SEZ6L: variants seen among roughly 807,000 people sequenced by gnomAD.
The protein encoded by SEZ6L is seizure 6-like protein.
In SEZ6L, 37 loss-of-function variants were observed where a neutral mutation model predicts 106.2. The observed-to-expected ratio is 0.35, with a 90% confidence interval of 0.27 to 0.46. The LOEUF (loss-of-function observed/expected upper bound fraction) is 0.46. Ranked by LOEUF, SEZ6L falls within the 20% of genes least tolerant of loss-of-function variation. The pLI, the probability that SEZ6L is intolerant of heterozygous loss-of-function variation, is 1.00. For synonymous variants in SEZ6L, 541 were observed against 570.4 expected (o/e 0.95, Z 0.73); for missense variants, 1,172 against 1,332.8 (o/e 0.88, Z 1.88).
intron 3 of SEZ6L, among the ~76,000 whole-genome samples, chr22:26,296,672 CAGTTTG>C (rs915248705): frequency 1.6e-4 from 24 of 152,364 alleles, no homozygotes; most frequent in Non-Finnish European, 2.2e-4. Flanking sequence ...CTCTGCCTTG[CAGTTTG>C]GTTTCACTCT....
intron 1 of SEZ6L, among the ~76,000 whole-genome samples, chr22:26,188,313 G>A (rs1361079530): frequency 6.6e-6 from 1 of 152,194 alleles, no homozygotes; most frequent in African/African-American, 2.4e-5. Flanking sequence ...ACATGATTCT[G>A]TGGTTTGACT....
At chr22:26,198,240 CATG>C (rs1470043364) in intron 1 of SEZ6L, among the ~76,000 whole-genome samples, 3 of 152,208 alleles carry the variant, frequency 2.0e-5, no homozygotes, top group African/African-American at 7.2e-5. Context: ...TAACAATTAT[CATG>C]ATGATGACAA....
chr22:26,344,976 A>T (rs1206602980), intron 10 of SEZ6L, among the ~76,000 whole-genome samples: 1 of 152,246 alleles, frequency 6.6e-6, no homozygotes, highest in African/African-American at 2.4e-5. Flanking sequence ...AGTAAAGTTA[A>T]CAAGGGCCCA....
intron 1 of SEZ6L, among the ~76,000 whole-genome samples, chr22:26,218,853 G>A (rs533078127): frequency 2.6e-5 from 4 of 152,146 alleles, no homozygotes; most frequent in East Asian, 3.9e-4. Context: ...AGGAGAAATC[G>A]CTTGAACCCA....
chr22:26,323,103 G>A (rs1229004515), intron 9 of SEZ6L, among the ~76,000 whole-genome samples: 1 of 152,178 alleles, frequency 6.6e-6, no homozygotes, highest in African/African-American at 2.4e-5. Context: ...CTTGCTTGTG[G>A]CCACAAGAGC....
At chr22:26,363,803 A>C (rs969143740) in intron 12 of SEZ6L, among the ~76,000 whole-genome samples, 2 of 152,228 alleles carry the variant, frequency 1.3e-5, no homozygotes, top group African/African-American at 4.8e-5. Context: ...AAAGTGTGAC[A>C]CCTGCCTACG....
chr22:26,252,034 G>GCAGCAGCAGCATCAGCGA, intron 1 of SEZ6L, among the ~76,000 whole-genome samples: 2 of 152,250 alleles, frequency 1.3e-5, no homozygotes, highest in Middle Eastern at 3.4e-3. Flanking sequence ...AGCAGCGGCG[G>GCAGCAGCAGCATCAGCGA]CAGCAGCAGC....
At chr22:26,351,440 G>A (rs185148973) in intron 12 of SEZ6L, 197 bp downstream of exon 12, 36 of 501,386 alleles carry the variant, frequency 7.2e-5, no homozygotes, top group African/African-American at 9.8e-5. Flanking sequence ...TTTATCACGC[G>A]TTGCTCTAAG....
rs1334207261 is a variant in SEZ6L at position 26,380,136 on chromosome 22, C to G, written c.3046-130C>G. 3.4e-5 allele frequency: 25 copies of G among 738,712 alleles called. No individual in the cohort carries two copies. The South Asian group carries it at 4.0e-4, about 12-fold the overall frequency. 45.8% of individuals were successfully genotyped at this position (738,712 alleles called of 1,614,324 possible). ...CCCATTGGCAAAAGCAAATCAGGGT[C>G]AGAGTGGGAGGGCACTGAAAAGTCA... On this transcript the variant is annotated intron_variant, in intron 16 of 16. Transcript: ENST00000248933.
chr22:26,328,548 G>A (rs2082389016), intron 9 of SEZ6L, among the ~76,000 whole-genome samples: 1 of 152,074 alleles, frequency 6.6e-6, no homozygotes. Context: ...AGCAGCCGGG[G>A]AGCTGTTGGG....
chr22:26,250,714 T>C (rs1184790026), intron 1 of SEZ6L, among the ~76,000 whole-genome samples: 1 of 152,214 alleles, frequency 6.6e-6, no homozygotes, highest in Non-Finnish European at 1.5e-5. Context: ...TGGTATTTTA[T>C]AGGGATTGCA....
chr22:26,306,139 G>A lies in SEZ6L; in HGVS notation c.1509G>A (p.Lys503=). The part of the protein sequence containing the change: ...LHFERLLLHD[K]DRMTVHSGQT... ...TTGAGAGGCTGTTGCTGCATGACAAGGACAGGTAAAGCTCTGAAGGTCCAC... is the reference window on the plus strand; with the variant it reads ...TTGAGAGGCTGTTGCTGCATGACAAAGACAGGTAAAGCTCTGAAGGTCCAC... The change falls in exon 6 of 17, where the codon AAG becomes AAA. Residue 503 remains lysine (K), a synonymous_variant. Transcript: ENST00000248933. The A allele has an allele frequency of 6.2e-7, 1 of 1,613,240 alleles. No individual in the cohort carries two copies. Among genetic ancestry groups the A allele is most frequent in the South Asian group, 1.1e-5 (1 of 91,084 alleles).
intron 9 of SEZ6L, among the ~76,000 whole-genome samples, chr22:26,321,671 C>T (rs2082158704): frequency 6.6e-6 from 1 of 152,200 alleles, no homozygotes; most frequent in Non-Finnish European, 1.5e-5. Flanking sequence ...TTTCCACTGA[C>T]AGTTTTAGTA....
intron 9 of SEZ6L, among the ~76,000 whole-genome samples, chr22:26,320,368 G>T (rs557496418): frequency 1.3e-5 from 2 of 152,190 alleles, no homozygotes; most frequent in Non-Finnish European, 2.9e-5. Flanking sequence ...GCCAATAAGG[G>T]GGGGCATCGC....
chr22:26,335,113 G>C (rs1238846322), intron 9 of SEZ6L, among the ~76,000 whole-genome samples: 1 of 152,084 alleles, frequency 6.6e-6, no homozygotes, highest in African/African-American at 2.4e-5. Flanking sequence ...AGATGCACTT[G>C]GTAAATACAT....
rs187430488 is a variant in SEZ6L, at chr22:26,257,561, T to A, written c.95-34845T>A. Among the ~76,000 whole-genome samples, 1,244 of 152,280 alleles carry A rather than the reference T, an allele frequency of 8.2e-3. 10 individuals are homozygous for A. The highest frequency in any genetic ancestry group is 0.02 in the Middle Eastern group (6 of 294). On this transcript the variant is annotated intron_variant, in intron 1 of 16. Coordinates refer to ENST00000248933, the MANE Select transcript of SEZ6L (RefSeq NM_021115.5). ...ATTCCTGCCCTCAGGGAGCTCCCAA[T>A]AATCAAAGGCATCAGTAAAATTATA...
intron 12 of SEZ6L, among the ~76,000 whole-genome samples, chr22:26,363,146 T>G (rs538146362): frequency 6.6e-6 from 1 of 152,210 alleles, no homozygotes; most frequent in South Asian, 2.1e-4. Context: ...GAACCCAGTA[T>G]TGCCCAATCT....
At chr22:26,294,721 A>AAC (rs56000206) in intron 3 of SEZ6L, among the ~76,000 whole-genome samples, 26,633 of 148,008 alleles carry the variant, frequency 0.18, 2,424 homozygotes, top group East Asian at 0.36. Flanking sequence ...CACGTGCATA[A>AAC]ACACACACAC....
chr22:26,184,035 G>A (rs1211661489), intron 1 of SEZ6L, among the ~76,000 whole-genome samples: 5 of 152,178 alleles, frequency 3.3e-5, no homozygotes, highest in Non-Finnish European at 7.3e-5. Context: ...GAGGGTCAGA[G>A]AAACTCCACC....
Sources: allele counts gnomAD v4.1 joint callset (sites outside exome capture counted in the v4.1 genomes callset), GRCh38; gene constraint gnomAD v4.1.1; transcripts MANE v1.5; gene names NCBI Gene and HGNC (gene_info 2026-07-23, HGNC 2026-07-21).